GAS7: variants seen among roughly 807,000 people sequenced by gnomAD.
The protein encoded by GAS7 is growth arrest specific 7.
A neutral mutation model predicts 71.1 loss-of-function variants in GAS7; 28 were observed. The ratio of observed to expected loss-of-function variants is 0.39; its 90% CI spans 0.29 to 0.54. The LOEUF (loss-of-function observed/expected upper bound fraction) is 0.54, where lower values mean the gene tolerates loss of function less well. GAS7 is among the 20% of genes least tolerant of loss of function. The pLI is 0.62. For synonymous variants in GAS7, 258 were observed against 245.8 expected, an observed-to-expected ratio of 1.05 and a Z score of -0.46; for missense variants, 436 against 627.8, an observed-to-expected ratio of 0.69 and a Z score of 3.27.
intron 1 of GAS7, among the ~76,000 whole-genome samples, chr17:10,108,894 C>G (rs2073784419): frequency 6.6e-6 from 1 of 152,136 alleles, no homozygotes; most frequent in Non-Finnish European, 1.5e-5. Context: ...AAGAACACTT[C>G]AGGACATTGG....
chr17:10,015,753 AAC>A (rs1423984911), intron 2 of GAS7, among the ~76,000 whole-genome samples: 1 of 152,116 alleles, frequency 6.6e-6, no homozygotes, highest in East Asian at 1.9e-4. Flanking sequence ...GATCCCTACA[AAC>A]ACAGCTGACT....
chr17:10,113,468 G>A (rs1050203151), intron 1 of GAS7, among the ~76,000 whole-genome samples: 8 of 152,136 alleles, frequency 5.3e-5, no homozygotes, highest in African/African-American at 1.7e-4. Context: ...AGTGGGGCAG[G>A]CATTAAACAG....
intron 5 of GAS7, among the ~76,000 whole-genome samples, chr17:9,948,480 C>T (rs190922426): frequency 3.3e-5 from 5 of 152,256 alleles, no homozygotes; most frequent in Non-Finnish European, 4.4e-5. Context: ...GTCAGGAGTT[C>T]GAGACCAGCC....
chr17:9,990,268 CA>C (rs372321572), intron 2 of GAS7, among the ~76,000 whole-genome samples: 9 of 147,922 alleles, frequency 6.1e-5, no homozygotes, highest in Admixed American at 1.4e-4. Flanking sequence ...GACTCCATCT[CA>C]AAAAAAAAAG....
intron 1 of GAS7, among the ~76,000 whole-genome samples, chr17:10,197,060 T>C (rs1042697506): frequency 2.0e-5 from 3 of 152,218 alleles, no homozygotes; most frequent in African/African-American, 4.8e-5. Context: ...TCTCTGGACC[T>C]GAAAGCAATC....
intron 1 of GAS7, among the ~76,000 whole-genome samples, chr17:10,156,642 C>G (rs1179761714): frequency 6.6e-6 from 1 of 152,144 alleles, no homozygotes; most frequent in Non-Finnish European, 1.5e-5. Context: ...AATTTGGCCA[C>G]TGAAAGTCAT....
At chr17:9,999,824 C>T (rs911901620) in intron 2 of GAS7, among the ~76,000 whole-genome samples, 2 of 152,078 alleles carry the variant, frequency 1.3e-5, no homozygotes, top group Non-Finnish European at 2.9e-5. Flanking sequence ...GAAGATCACA[C>T]AAAATGAAGC....
intron 6 of GAS7, among the ~76,000 whole-genome samples, chr17:9,945,424 G>A (rs931599993): frequency 7.9e-5 from 12 of 151,926 alleles, no homozygotes; most frequent in Middle Eastern, 3.4e-3. Flanking sequence ...TGCTTACCCC[G>A]ATGCTTGCTT....
chr17:10,153,585 C>T (rs1355890229), intron 1 of GAS7, among the ~76,000 whole-genome samples: 1 of 151,338 alleles, frequency 6.6e-6, no homozygotes, highest in Non-Finnish European at 1.5e-5. Context: ...AGAAGGAATC[C>T]GTAAGAAATG....
At chr17:10,185,136 G>T (rs2074442872) in intron 1 of GAS7, among the ~76,000 whole-genome samples, 1 of 152,078 alleles carries the variant, frequency 6.6e-6, no homozygotes, top group Admixed American at 6.5e-5. Context: ...TGTTGGCCAG[G>T]CTGTTCTTGA....
At chr17:9,963,691 CACTGT>C (rs1414097355) in intron 4 of GAS7, among the ~76,000 whole-genome samples, 1 of 152,082 alleles carries the variant, frequency 6.6e-6, no homozygotes, top group African/African-American at 2.4e-5. Flanking sequence ...ATAATGGTGT[CACTGT>C]ACTGTAGCCT....
intron 1 of GAS7, among the ~76,000 whole-genome samples, chr17:10,184,173 C>T (rs1196728525): frequency 6.6e-6 from 1 of 152,198 alleles, no homozygotes; most frequent in Admixed American, 6.5e-5. Flanking sequence ...CCATCCCTGG[C>T]TGCCTCTCCA....
At chr17:9,940,252 G>T in intron 7 of GAS7, 52 bp from the exon 8 acceptor site, 2 of 1,384,488 alleles carry the variant, frequency 1.4e-6, no homozygotes, top group Non-Finnish European at 2.1e-6. Context: ...CCAGATCGTG[G>T]GTCTGCCCTG....
chr17:9,974,246 G>A lies in GAS7; in HGVS notation c.386-4484C>T, dbSNP rs767305411. ...CTCCTCGGACACCCTGTCTGGCTGCGTTATCACTTGAAGTCTCCCGGGCAC... is the reference window on the plus strand; with the variant it reads ...CTCCTCGGACACCCTGTCTGGCTGCATTATCACTTGAAGTCTCCCGGGCAC... On this transcript the variant is annotated intron_variant, in intron 3 of 13. Transcript: ENST00000432992. The surrounding 1 kb of genome is among the most constrained non-coding windows in gnomAD (Gnocchi z 4.0). Among the ~76,000 whole-genome samples, 5 of 152,180 alleles carry A rather than the reference G, an allele frequency of 3.3e-5. No homozygotes were observed. The highest frequency in any genetic ancestry group is 2.9e-5 in the Non-Finnish European group (2 of 68,024).
intron 1 of GAS7, among the ~76,000 whole-genome samples, chr17:10,107,519 A>T (rs1233470094): frequency 1.3e-5 from 2 of 152,022 alleles, no homozygotes; most frequent in Admixed American, 6.6e-5. Context: ...GGGCAGGAGA[A>T]CTACCTTACA....
intron 2 of GAS7, among the ~76,000 whole-genome samples, chr17:10,004,925 G>A (rs1230507705): frequency 1.3e-5 from 2 of 152,140 alleles, no homozygotes; most frequent in Admixed American, 6.5e-5. Context: ...CAGGAGAATC[G>A]CTTGAACCCG....
rs201753295 is a variant in GAS7, at chr17:10,167,038, ATT to A, written c.183+31168_183+31169del. Among the ~76,000 whole-genome samples, 2,615 of 61,068 alleles carry A rather than the reference ATT, an allele frequency of 0.043. 249 individuals carry two copies. The East Asian group carries it at 0.44, about 10-fold the overall frequency. The allele number at this position is 61,068 out of a possible 152,430, so 40.1% of individuals were successfully genotyped here. On this transcript the variant is annotated intron_variant, in intron 1 of 13. Coordinates refer to ENST00000432992, the MANE Select transcript of GAS7 (RefSeq NM_201433.2). ...TTGACTAAACCAATCTACTATTTCC[ATT>A]TGTCTTTTTTTTTTTTTTTTTTTTT...
intron 1 of GAS7, among the ~76,000 whole-genome samples, chr17:10,032,594 CG>C (rs1468347286): frequency 6.6e-6 from 1 of 152,140 alleles, no homozygotes; most frequent in Non-Finnish European, 1.5e-5. Context: ...ATGCATGGGA[CG>C]GCTTTTGTAA....
At chr17:9,966,985 C>T (rs1295401674) in intron 4 of GAS7, among the ~76,000 whole-genome samples, 1 of 152,162 alleles carries the variant, frequency 6.6e-6, no homozygotes, top group Non-Finnish European at 1.5e-5. Context: ...GTGAACAACG[C>T]ACGTTCGCCC....
Sources: allele counts gnomAD v4.1 joint callset (sites outside exome capture counted in the v4.1 genomes callset), GRCh38; gene constraint gnomAD v4.1.1; non-coding constraint Gnocchi (gnomAD v3.1); transcripts MANE v1.5; gene names NCBI Gene and HGNC (gene_info 2026-07-23, HGNC 2026-07-21).